Variants in DDX52 observed in about 807,000 individuals in gnomAD.
DDX52 encodes the protein DExD-box helicase 52.
DDX52 carries 59 observed loss-of-function variants against 76.1 expected under a neutral mutation model. The ratio of observed to expected loss-of-function variants is 0.78; its 90% CI spans 0.63 to 0.96. The LOEUF (loss-of-function observed/expected upper bound fraction) is 0.96, where lower values mean the gene tolerates loss of function less well. Among genes scored for constraint, DDX52 ranks in the 40% least tolerant of loss-of-function variants. The pLI is 0.00. For synonymous variants in DDX52, 231 were observed against 244.1 expected, an observed-to-expected ratio of 0.95 and a Z score of 0.50; for missense variants, 707 against 703.9, an observed-to-expected ratio of 1.00 and a Z score of -0.05.
At chr17:37,638,333 T>C (rs2031026812) in intron 2 of DDX52, among the ~76,000 whole-genome samples, 1 of 152,232 alleles carries the variant, frequency 6.6e-6, no homozygotes, top group African/African-American at 2.4e-5. Flanking sequence ...AATGATTCTG[T>C]AGATCACTGT....
chr17:37,628,267 T>C (rs2030490434), intron 6 of DDX52, among the ~76,000 whole-genome samples: 1 of 152,192 alleles, frequency 6.6e-6, no homozygotes, highest in Non-Finnish European at 1.5e-5. Context: ...GGCTAGTAAC[T>C]ACAGGCTAGT....
chr17:37,620,984 G>C lies in DDX52; in HGVS notation c.1502-36C>G, dbSNP rs185752903. ...TTAGACCATTAAAAAACACATTTTG[G>C]GGGGAAGGAGGCTCTCAAAATTCAT... On this transcript the variant is annotated intron_variant, in intron 11 of 14. Coordinates refer to ENST00000617633, the MANE Select transcript of DDX52 (RefSeq NM_007010.5). 7.0e-6 allele frequency: 11 copies of C among 1,569,998 alleles called. No individual in the cohort carries two copies. In the Admixed American group the frequency reaches 1.1e-4, roughly 15 times the overall value.
At chr17:37,618,577 G>T (rs998285188) in intron 13 of DDX52, among the ~76,000 whole-genome samples, 193 bp from the exon 14 acceptor site, 11 of 152,020 alleles carry the variant, frequency 7.2e-5, no homozygotes, top group African/African-American at 2.4e-4. Flanking sequence ...TGCCTCCTGG[G>T]TTCAGGCGAT....
At chr17:37,621,655 G>A (rs2030101649) in intron 9 of DDX52, 135 bp from the exon 10 acceptor site, 3 of 1,109,702 alleles carry the variant, frequency 2.7e-6, no homozygotes. Flanking sequence ...TGGGCTAGTG[G>A]TCTAATTCTG....
Position 37,612,209 on chromosome 17 carries a change from C to T in DDX52, c.*2087G>A, listed in dbSNP as rs57962176. ...CTCCTGCCTCAGACTCCTGAGTAGC[C>T]GGGACTATGCCACCACACCCGGCTA... On this transcript the variant is annotated 3_prime_UTR_variant, in exon 15 of 15. Transcript: ENST00000617633. 0.26 allele frequency: 40,104 copies of T among 151,466 alleles called. 6,388 individuals carry two copies. The highest frequency in any genetic ancestry group is 0.45 in the African/African-American group (18,445 of 41,174). The allele number at this position is 151,466 out of a possible 1,614,324, so 9.4% of individuals were successfully genotyped here.
chr17:37,643,394 C>A lies in DDX52; in HGVS notation c.27G>T (p.Arg9=). 6.2e-7 allele frequency: 1 copy of A among 1,613,968 alleles called. No homozygotes were observed. Among genetic ancestry groups the A allele is most frequent in the Non-Finnish European group, 8.5e-7 (1 of 1,179,902 alleles). The change falls in exon 1 of 15, where the codon CGG becomes CGT. Residue 9 remains arginine (R), a synonymous_variant. Transcript: ENST00000617633. MDVHDLFR[R]LGAGAKFDTR... ...TGTCGAATTTGGCCCCCGCGCCGAGCCGGCGAAAGAGATCGTGGACGTCCA... is the reference window on the plus strand; with the variant it reads ...TGTCGAATTTGGCCCCCGCGCCGAGACGGCGAAAGAGATCGTGGACGTCCA...
In DDX52 at chr17:37,611,956, C is replaced by CAAAAAA. The variant is rs200545664; in HGVS notation, c.*2334_*2339dup. 3.4e-4 allele frequency: 22 copies of CAAAAAA among 64,664 alleles called. No homozygotes were observed. Among genetic ancestry groups the CAAAAAA allele is most frequent in the African/African-American group, 1.1e-3 (22 of 20,072 alleles). 4.0% of individuals were successfully genotyped at this position (64,664 alleles called of 1,614,324 possible). On this transcript the variant is annotated 3_prime_UTR_variant, in exon 15 of 15. Coordinates refer to ENST00000617633, the MANE Select transcript of DDX52 (RefSeq NM_007010.5). The stretch of plus-strand genomic sequence containing the variant: ...AAATTAGGTAACAGACCCTGTTTCT[C>CAAAAAA]AAAAAAAAAAAAAAAAACAAAACAA...
At position 37,626,103 on chromosome 17, in the gene DDX52, G is replaced by C. The variant is rs775852924; in HGVS notation, c.933-5C>G. The C allele has an allele frequency of 1.2e-5, 20 of 1,613,732 alleles. 1 individual carries two copies. In the South Asian group the frequency reaches 2.1e-4, roughly 17 times the overall value. On this transcript the variant is annotated splice_region_variant and splice_polypyrimidine_tract_variant and intron_variant, in intron 7 of 14. Transcript: ENST00000617633. ...TCTACTACAAGCCACTCAACACTAA[G>C]AAATAACAAAACAACTTGTGGATAC...
intron 1 of DDX52, 31 bp from the exon 2 acceptor site, chr17:37,642,339 A>G (rs778371401): frequency 1.4e-5 from 22 of 1,588,972 alleles, no homozygotes; most frequent in Admixed American, 1.1e-4. Context: ...AATGAAACCT[A>G]CTGACAGAAT....
chr17:37,612,373 G>A lies in DDX52; in HGVS notation c.*1923C>T, dbSNP rs1382286502. Reference sequence around the variant, plus strand: ...ATTACAGGCATGAGCCACTACGCCTGGCCAAGAAAAATATTTTCAATAAAT... The same window carrying A: ...ATTACAGGCATGAGCCACTACGCCTAGCCAAGAAAAATATTTTCAATAAAT... On this transcript the variant is annotated 3_prime_UTR_variant, in exon 15 of 15. Transcript: ENST00000617633. 6.6e-6 allele frequency: 1 copy of A among 152,128 alleles called. No individual in the cohort carries two copies. Among genetic ancestry groups the A allele is most frequent in the Non-Finnish European group, 1.5e-5 (1 of 68,044 alleles). 9.4% of individuals were successfully genotyped at this position (152,128 alleles called of 1,614,324 possible).
intron 2 of DDX52, among the ~76,000 whole-genome samples, chr17:37,638,287 C>A (rs1234863127): frequency 6.6e-6 from 1 of 151,852 alleles, no homozygotes; most frequent in African/African-American, 2.4e-5. Flanking sequence ...GAAATTTCTA[C>A]AAAAAAAATT....
At chr17:37,626,722 T>C (rs562788303) in intron 7 of DDX52, 66 bp downstream of exon 7, 10 of 1,507,588 alleles carry the variant, frequency 6.6e-6, no homozygotes, top group Admixed American at 5.4e-5. Context: ...ATACAAGCAA[T>C]AGAGGACAAA....
Position 37,642,126 on chromosome 17 carries a change from C to G in DDX52, c.270G>C (p.Arg90Ser). 1 of 1,613,336 alleles carries G rather than the reference C, an allele frequency of 6.2e-7. No homozygotes were observed. Among genetic ancestry groups the G allele is most frequent in the Non-Finnish European group, 8.5e-7 (1 of 1,179,886 alleles). Reference protein sequence around the residue: ...ERKREQSKKKRKTMTSEIASQ... With the variant: ...ERKREQSKKKSKTMTSEIASQ... The stretch of plus-strand genomic sequence containing the variant: ...AACACTAACCTGAAGTCATCGTCTT[C>G]CTTTTTTTCTTGCTCTGCTCCCTCT... Residue 90 changes from arginine to serine, a missense_variant, in exon 2 of 15, where the codon AGG becomes AGC. Physicochemically the swap from Arg to Ser is moderately radical, Grantham distance 110. Coordinates refer to ENST00000617633, the MANE Select transcript of DDX52 (RefSeq NM_007010.5).
At chr17:37,630,758 T>A (rs2030642670) in intron 4 of DDX52, 1 of 152,488 alleles carries the variant, frequency 6.6e-6, no homozygotes, top group Admixed American at 6.6e-5. Flanking sequence ...TCTTCTGCCT[T>A]GGCCTCCCGA....
Position 37,612,119 on chromosome 17 carries a change from CAGGCTGG to C in DDX52, c.*2170_*2176del, listed in dbSNP as rs2064375255. The C allele has an allele frequency of 6.6e-6, 1 of 151,766 alleles. No individual in the cohort carries two copies. The highest frequency in any genetic ancestry group is 2.1e-4 in the South Asian group (1 of 4,818). The allele number at this position is 151,766 out of a possible 1,614,324, so 9.4% of individuals were successfully genotyped here. Reference sequence around the variant, plus strand: ...TTCAAGACAGTCTTGCCCTGTCGCCCAGGCTGGAGTGCAGTAGCGCGATCTCGGCTTA... The same window carrying C: ...TTCAAGACAGTCTTGCCCTGTCGCCCAGTGCAGTAGCGCGATCTCGGCTTA... On this transcript the variant is annotated 3_prime_UTR_variant, in exon 15 of 15. Coordinates refer to ENST00000617633, the MANE Select transcript of DDX52 (RefSeq NM_007010.5).
chr17:37,628,782 A>G, intron 5 of DDX52, 110 bp from the exon 6 acceptor site: 1 of 756,364 alleles, frequency 1.3e-6, no homozygotes, highest in South Asian at 2.0e-5. Context: ...AATATCTGAA[A>G]TTAAACTCAT....
chr17:37,638,512 T>C lies in DDX52; in HGVS notation c.286+3598A>G, dbSNP rs181510688. On this transcript the variant is annotated intron_variant, in intron 2 of 14. Coordinates refer to ENST00000617633, the MANE Select transcript of DDX52 (RefSeq NM_007010.5). Reference sequence around the variant, plus strand: ...CTTGAATGTATATGGAAAATAAGTATACAATTAAAGTTGCGTTAAAGTCCA... The same window carrying C: ...CTTGAATGTATATGGAAAATAAGTACACAATTAAAGTTGCGTTAAAGTCCA... 1.9e-3 allele frequency among the ~76,000 whole-genome samples: 293 copies of C among 152,292 alleles called. 4 individuals are homozygous for C. Among genetic ancestry groups the C allele is most frequent in the Non-Finnish European group, 8.2e-4 (56 of 68,012 alleles).
chr17:37,616,525 G>A (rs972753030), intron 14 of DDX52, among the ~76,000 whole-genome samples: 1 of 151,432 alleles, frequency 6.6e-6, no homozygotes, highest in African/African-American at 2.4e-5. Context: ...CATGGTGGCG[G>A]GTGCCTGTAA....
At position 37,621,218 on chromosome 17, in the gene DDX52, G is replaced by A. The variant is rs771183934; in HGVS notation, c.1410C>T (p.Ala470=). 6.2e-7 allele frequency: 1 copy of A among 1,613,872 alleles called. No individual in the cohort carries two copies. Among genetic ancestry groups the A allele is most frequent in the East Asian group, 2.2e-5 (1 of 44,888 alleles). ...AGKIWVLICT[A]LLARGIDFKG... is the part of the protein sequence containing the mutation. ...TAAAATCAATCCCTCTTGCTAGCAA[G>A]GCTGTACAAATCAGAACCCAGATTT... The change falls in exon 11 of 15, where the codon GCC becomes GCT. Residue 470 remains alanine, a synonymous_variant. Coordinates refer to ENST00000617633, the MANE Select transcript of DDX52 (RefSeq NM_007010.5).
Sources: gnomAD v4.1 joint callset for allele counts (sites outside exome capture counted in the v4.1 genomes callset) on GRCh38, gnomAD v4.1.1 for gene constraint, MANE v1.5 for transcripts, NCBI Gene and HGNC (gene_info 2026-07-23, HGNC 2026-07-21) for gene names.